The following TESMIN variants were observed in gnomAD, a reference collection of about 807,000 sequenced individuals.
The protein encoded by TESMIN is CXC domain containing 2.
Under a neutral mutation model 47.4 loss-of-function variants are expected in TESMIN, and 34 were observed. That is an observed-to-expected ratio of 0.72 (90% CI 0.55 to 0.96). TESMIN has a LOEUF of 0.96. Ranked by LOEUF, TESMIN falls within the 40% of genes least tolerant of loss-of-function variation. TESMIN has a pLI of 0.00. For synonymous variants in TESMIN, 278 were observed against 258.9 expected (o/e 1.07, Z -0.71); for missense variants, 610 against 637.2 (o/e 0.96, Z 0.46).
At chr11:68,730,794 C>T (rs1288802998) in intron 6 of TESMIN, among the ~76,000 whole-genome samples, 1 of 138,314 alleles carries the variant, frequency 7.2e-6, no homozygotes, top group Non-Finnish European at 1.5e-5. Context: ...CAGACTTTGT[C>T]TCAAAAAAAA....
chr11:68,707,268 C>T (rs746084004), downstream of TESMIN, among the ~76,000 whole-genome samples: 2 of 152,198 alleles, frequency 1.3e-5, no homozygotes, highest in Admixed American at 6.5e-5. Flanking sequence ...TGCCTGGGCC[C>T]GGCAGCCACA....
At chr11:68,738,651 C>A in intron 6 of TESMIN, 49 bp downstream of exon 6, 3 of 1,609,238 alleles carry the variant, frequency 1.9e-6, no homozygotes, top group South Asian at 2.2e-5. Flanking sequence ...ATCCAAGAGT[C>A]TCTTAAATTA....
chr11:68,747,510 G>A (rs1946537188), intron 2 of TESMIN, 144 bp from the exon 3 acceptor site: 1 of 739,210 alleles, frequency 1.4e-6, no homozygotes. Flanking sequence ...CACACTCCCA[G>A]CTACCGGAGA....
chr11:68,738,677 A>T, intron 6 of TESMIN, 23 bp downstream of exon 6: 1 of 1,613,208 alleles, frequency 6.2e-7, no homozygotes, highest in Non-Finnish European at 8.5e-7. Flanking sequence ...TTAGAGTGAC[A>T]ATGTATTGCT....
At chr11:68,713,592 A>G (rs138296990) in intron 7 of TESMIN, among the ~76,000 whole-genome samples, 185 bp from the exon 8 acceptor site, 2 of 152,288 alleles carry the variant, frequency 1.3e-5, no homozygotes, top group East Asian at 3.9e-4. Context: ...ACAAAAAGAT[A>G]TATTGTAGCT....
At chr11:68,744,379 C>T (rs567973828) in intron 4 of TESMIN, among the ~76,000 whole-genome samples, 3 of 152,292 alleles carry the variant, frequency 2.0e-5, no homozygotes, top group African/African-American at 4.8e-5. Context: ...TCCTAAAATA[C>T]GTCATTTACT....
In TESMIN at chr11:68,707,783, A is replaced by G; in HGVS notation, c.*525T>C. The G allele has an allele frequency of 2.2e-6, 1 of 454,244 alleles. No homozygotes were observed. Among genetic ancestry groups the G allele is most frequent in the Non-Finnish European group, 4.4e-6 (1 of 225,414 alleles). 28.1% of individuals were successfully genotyped at this position (454,244 alleles called of 1,614,324 possible). On this transcript the variant is annotated 3_prime_UTR_variant, in exon 10 of 10. Transcript: ENST00000255087. ...CTGGGGAAATATCTACGCTACAGAA[A>G]ATCTTTAGGTGTTCAGTAGTTCTCT...
intron 6 of TESMIN, chr11:68,736,976 A>G: frequency 1.0e-6 from 1 of 985,496 alleles, no homozygotes; most frequent in Non-Finnish European, 1.2e-6. Flanking sequence ...GAGAGCACGC[A>G]ATTAAAGTAT....
intron 6 of TESMIN, among the ~76,000 whole-genome samples, chr11:68,727,491 C>T (rs937548658): frequency 6.6e-6 from 1 of 152,136 alleles, no homozygotes; most frequent in Non-Finnish European, 1.5e-5. Context: ...AAAATATCTA[C>T]ACTCATGGTA....
At chr11:68,744,807 G>A (rs1946498080) in intron 4 of TESMIN, 184 bp downstream of exon 4, 1 of 479,736 alleles carries the variant, frequency 2.1e-6, no homozygotes, top group African/African-American at 2.0e-5. Context: ...AGTCAGTACA[G>A]GGTACAAAAA....
Position 68,716,002 on chromosome 11 carries a change from A to T in TESMIN, c.918-63T>A, listed in dbSNP as rs1341084112. Reference sequence around the variant, plus strand: ...CGGCACAGTGAGTAGTGAAAAGAAGAGCACACACGTGTAAGGAAAGAGCGG... The same window carrying T: ...CGGCACAGTGAGTAGTGAAAAGAAGTGCACACACGTGTAAGGAAAGAGCGG... On this transcript the variant is annotated intron_variant, in intron 6 of 9. Transcript: ENST00000255087. The T allele has an allele frequency of 1.0e-5, 11 of 1,086,788 alleles. No individual in the cohort carries two copies. The East Asian group carries it at 2.7e-4, about 27-fold the overall frequency. 67.3% of individuals were successfully genotyped at this position (1,086,788 alleles called of 1,614,324 possible).
Position 68,745,030 on chromosome 11 carries a change from C to T in TESMIN, c.712G>A (p.Val238Ile). ...TTATTTTGATCTTGATACTGAGGAA[C>T]CAAATGGAGTGCTTTTAGTTCTCTT... is the stretch of plus-strand genomic sequence containing the variant. Reference protein sequence around the residue: ...RTRELKALHLVPQYQDQNNYL... With the variant: ...RTRELKALHLIPQYQDQNNYL... Residue 238 changes from valine (V) to isoleucine (I), a missense_variant, in exon 4 of 10, where the codon GTT (valine) becomes ATT (isoleucine). Transcript: ENST00000255087. The T allele has an allele frequency of 1.3e-6, 2 of 1,588,144 alleles. No homozygotes were observed. Among genetic ancestry groups the T allele is most frequent in the Non-Finnish European group, 1.7e-6 (2 of 1,172,536 alleles).
chr11:68,745,468 T>C (rs1298039275), intron 3 of TESMIN, among the ~76,000 whole-genome samples: 2 of 152,124 alleles, frequency 1.3e-5, no homozygotes, highest in Non-Finnish European at 2.9e-5. Flanking sequence ...CACTCCACCA[T>C]TGACATGAGC....
chr11:68,724,022 G>A (rs1594290765), intron 6 of TESMIN, among the ~76,000 whole-genome samples: 1 of 152,194 alleles, frequency 6.6e-6, no homozygotes, highest in East Asian at 1.9e-4. Context: ...GTGGGGTGGG[G>A]ATGGGGAAGC....
At chr11:68,747,397 C>T (rs763744509) in intron 2 of TESMIN, 31 bp from the exon 3 acceptor site, 5 of 1,580,064 alleles carry the variant, frequency 3.2e-6, no homozygotes, top group African/African-American at 1.3e-5. Context: ...TTTTAGAGAA[C>T]ACATGGTGGA....
chr11:68,722,277 G>A (rs1457777797), intron 6 of TESMIN, among the ~76,000 whole-genome samples: 1 of 152,218 alleles, frequency 6.6e-6, no homozygotes, highest in Non-Finnish European at 1.5e-5. Context: ...GGGGATGATG[G>A]AGAGTTTGAT....
Position 68,750,664 on chromosome 11 carries a change from G to C in TESMIN, c.-4C>G. The C allele has an allele frequency of 6.6e-7, 1 of 1,512,956 alleles. No individual in the cohort carries two copies. Among genetic ancestry groups the C allele is most frequent in the Admixed American group, 2.1e-5 (1 of 48,720 alleles). 93.7% of individuals were successfully genotyped at this position (1,512,956 alleles called of 1,614,324 possible). Reference sequence around the variant, plus strand: ...CCGGCAGAGGGCCCTCCTCCATGGCGCAGGGCGGCGGGGCGGGATGGCGGG... The same window carrying C: ...CCGGCAGAGGGCCCTCCTCCATGGCCCAGGGCGGCGGGGCGGGATGGCGGG... On this transcript the variant is annotated 5_prime_UTR_variant, in exon 2 of 10. Coordinates refer to ENST00000255087, the MANE Select transcript of TESMIN (RefSeq NM_004923.3).
At position 68,708,341 on chromosome 11, in the gene TESMIN, A is replaced by G. The variant is rs1226623495; in HGVS notation, c.1494T>C (p.Thr498=). The part of the protein sequence containing the change: ...FGRCLSQILH[T]EFKSKGLKME The stretch of plus-strand genomic sequence containing the variant: ...TTTTCAATCCCTTAGATTTAAACTC[A>G]GTGTGGAGAATCTGTGATAAGCACC... Residue 498 remains threonine, a synonymous_variant, in exon 10 of 10, where the codon ACT becomes ACC. Coordinates refer to ENST00000255087, the MANE Select transcript of TESMIN (RefSeq NM_004923.3). 2 of 1,611,648 alleles carry G rather than the reference A, an allele frequency of 1.2e-6. No homozygotes were observed. The highest frequency in any genetic ancestry group is 1.1e-5 in the South Asian group (1 of 90,666).
chr11:68,723,977 C>T (rs1022534012), intron 6 of TESMIN, among the ~76,000 whole-genome samples: 2 of 152,070 alleles, frequency 1.3e-5, no homozygotes, highest in African/African-American at 4.8e-5. Flanking sequence ...CCTACCTTAC[C>T]CAAACTTTTT....
Sources: allele counts gnomAD v4.1 joint callset (sites outside exome capture counted in the v4.1 genomes callset), GRCh38; gene constraint gnomAD v4.1.1; transcripts MANE v1.5; gene names NCBI Gene and HGNC (gene_info 2026-07-23, HGNC 2026-07-21).